The following CPNE5 variants were observed in gnomAD, a reference collection of about 807,000 sequenced individuals.
CPNE5 encodes the protein copine 5.
In CPNE5, 42 loss-of-function variants were observed where a neutral mutation model predicts 81.1. That is an observed-to-expected ratio of 0.52 (90% confidence interval 0.40 to 0.67). The LOEUF is 0.67. Among genes scored for constraint, CPNE5 ranks in the 30% least tolerant of loss-of-function variants. CPNE5 has a pLI of 0.00. For synonymous variants in CPNE5, 313 were observed against 321.5 expected, an observed-to-expected ratio of 0.97 and a Z score of 0.28; for missense variants, 612 against 815.5, an observed-to-expected ratio of 0.75 and a Z score of 3.04.
At chr6:36,763,025 C>T in intron 11 of CPNE5, 33 bp from the exon 12 acceptor site, 1 of 1,588,484 alleles carries the variant, frequency 6.3e-7, no homozygotes, top group Non-Finnish European at 8.6e-7. Context: ...AGACCAAGGC[C>T]AGGCTGTGCC....
intron 11 of CPNE5, 89 bp downstream of exon 11, chr6:36,765,246 C>A: frequency 7.6e-6 from 11 of 1,451,032 alleles, no homozygotes; most frequent in Non-Finnish European, 1.1e-5. Context: ...CGGGGGGGAG[C>A]CTGGTCACAG....
At chr6:36,774,450 G>A (rs1341270262) in intron 10 of CPNE5, among the ~76,000 whole-genome samples, 1 of 152,210 alleles carries the variant, frequency 6.6e-6, no homozygotes, top group Non-Finnish European at 1.5e-5. Context: ...ATGGCAACTA[G>A]GCTGGCAGGA....
intron 3 of CPNE5, among the ~76,000 whole-genome samples, chr6:36,801,314 G>C (rs6915722): frequency 6.6e-6 from 1 of 152,232 alleles, no homozygotes; most frequent in African/African-American, 2.4e-5. Context: ...AGTAGGTCTA[G>C]TGGAGCCTGG....
At chr6:36,760,421 G>A (rs1429705532) in intron 12 of CPNE5, among the ~76,000 whole-genome samples, 1 of 152,108 alleles carries the variant, frequency 6.6e-6, no homozygotes, top group African/African-American at 2.4e-5. Context: ...TTTTAAGCAG[G>A]GGAGCGATGT....
At chr6:36,787,271 T>C (rs1171015415) in intron 8 of CPNE5, among the ~76,000 whole-genome samples, 1 of 152,104 alleles carries the variant, frequency 6.6e-6, no homozygotes, top group Non-Finnish European at 1.5e-5. Flanking sequence ...AAAGTTTTGA[T>C]TGTGTTGGGA....
intron 3 of CPNE5, among the ~76,000 whole-genome samples, chr6:36,820,410 C>T (rs959501928): frequency 2.3e-4 from 33 of 141,826 alleles, no homozygotes; most frequent in African/African-American, 7.2e-4. Context: ...GGTACGATCT[C>T]GGCTCACTGC....
intron 20 of CPNE5, chr6:36,743,262 A>G: frequency 1.0e-6 from 1 of 984,700 alleles, no homozygotes. Flanking sequence ...CTTTCTGCTC[A>G]TTATATTTGC....
At chr6:36,750,516 G>A (rs1402691637) in intron 14 of CPNE5, among the ~76,000 whole-genome samples, 1 of 152,142 alleles carries the variant, frequency 6.6e-6, no homozygotes, top group Non-Finnish European at 1.5e-5. Context: ...AAGAACCTGG[G>A]TCCCTGAATG....
chr6:36,793,933 G>A (rs1486698417), intron 7 of CPNE5, among the ~76,000 whole-genome samples: 1 of 152,226 alleles, frequency 6.6e-6, no homozygotes, highest in Non-Finnish European at 1.5e-5. Flanking sequence ...GTGGGCGTGA[G>A]AAAGAAGCCA....
intron 13 of CPNE5, 152 bp downstream of exon 13, chr6:36,756,093 G>GCCCCCCCCCC: frequency 1.2e-5 from 7 of 595,822 alleles, no homozygotes; most frequent in South Asian, 2.0e-5. Context: ...TGCTCCATCT[G>GCCCCCCCCCC]CCCCACCCCT....
intron 3 of CPNE5, among the ~76,000 whole-genome samples, chr6:36,818,063 CCA>C (rs1480938860): frequency 6.6e-6 from 1 of 152,148 alleles, no homozygotes; most frequent in Non-Finnish European, 1.5e-5. Flanking sequence ...CTCAGCTCCT[CCA>C]CAGACTGAGG....
chr6:36,759,120 C>T (rs1373457794), intron 12 of CPNE5, among the ~76,000 whole-genome samples: 1 of 152,210 alleles, frequency 6.6e-6, no homozygotes, highest in East Asian at 1.9e-4. Flanking sequence ...GAGAATGAAC[C>T]CGGAGTCCTG....
chr6:36,827,859 G>T, intron 1 of CPNE5: 1 of 596,516 alleles, frequency 1.7e-6, no homozygotes, highest in Non-Finnish European at 2.0e-6. Context: ...ATTTTTTTTA[G>T]CAGGAAAAAC....
chr6:36,757,452 C>T (rs766294831), intron 12 of CPNE5: 16 of 827,658 alleles, frequency 1.9e-5, no homozygotes, highest in Non-Finnish European at 2.3e-5. Context: ...AGGTGATTTG[C>T]CTAAAGTCAC....
intron 10 of CPNE5, among the ~76,000 whole-genome samples, chr6:36,773,997 T>C (rs1177178419): frequency 6.7e-6 from 1 of 148,964 alleles, no homozygotes; most frequent in Admixed American, 6.7e-5. Flanking sequence ...GCCCAGGAGG[T>C]GGAAGCTGCA....
At chr6:36,756,154 A>C (rs1765436663) in intron 13 of CPNE5, 91 bp downstream of exon 13, 1 of 968,140 alleles carries the variant, frequency 1.0e-6, no homozygotes, top group African/African-American at 1.7e-5. Context: ...GCCCCTGCAC[A>C]CACACAGACG....
chr6:36,836,513 C>A (rs907961134), intron 1 of CPNE5, among the ~76,000 whole-genome samples: 1 of 152,174 alleles, frequency 6.6e-6, no homozygotes, highest in East Asian at 1.9e-4. Flanking sequence ...TCCTGAAACC[C>A]CCTGGAGTTC....
At chr6:36,775,571 C>T (rs1419231043) in intron 9 of CPNE5, among the ~76,000 whole-genome samples, 1 of 152,172 alleles carries the variant, frequency 6.6e-6, no homozygotes, top group African/African-American at 2.4e-5. Context: ...ATTCTCTCCT[C>T]CGCTTCCATC....
intron 1 of CPNE5, among the ~76,000 whole-genome samples, chr6:36,835,254 G>T (rs1466259960): frequency 1.3e-5 from 2 of 152,206 alleles, no homozygotes; most frequent in East Asian, 3.8e-4. Flanking sequence ...AACATGCTGG[G>T]CCAGATCCCT....
Sources: allele counts gnomAD v4.1 joint callset (sites outside exome capture counted in the v4.1 genomes callset), GRCh38; gene constraint gnomAD v4.1.1; transcripts MANE v1.5; gene names NCBI Gene and HGNC (gene_info 2026-07-23, HGNC 2026-07-21).